The following ABR variants were observed in gnomAD, a reference collection of about 807,000 sequenced individuals.
ABR encodes active breakpoint cluster region-related protein.
In ABR, 35 loss-of-function variants were observed where a neutral mutation model predicts 107.2. The ratio of observed to expected loss-of-function variants is 0.33; its 90% confidence interval spans 0.25 to 0.43. The LOEUF is 0.43. Ranked by LOEUF, ABR falls within the 20% of genes least tolerant of loss-of-function variation. The pLI is 1.00. For synonymous variants in ABR, 498 were observed against 462.0 expected (o/e 1.08, Z -1.00); for missense variants, 815 against 1,115.2 (o/e 0.73, Z 3.83).
chr17:1,110,064 C>G (rs1218412276), intron 2 of ABR, among the ~76,000 whole-genome samples: 3 of 151,066 alleles, frequency 2.0e-5, no homozygotes, highest in East Asian at 3.9e-4. Flanking sequence ...AGCAGCCCCC[C>G]CAGCCACCCC....
In ABR at chr17:1,004,027, C is replaced by T. The variant is rs1421333313; in HGVS notation, c.*2053G>A. 6.6e-6 allele frequency: 1 copy of T among 152,270 alleles called. No homozygotes were observed. The highest frequency in any genetic ancestry group is 1.5e-5 in the Non-Finnish European group (1 of 68,064). 9.4% of individuals were successfully genotyped at this position (152,270 alleles called of 1,614,324 possible). On this transcript the variant is annotated 3_prime_UTR_variant, in exon 23 of 23. Transcript: ENST00000302538. Reference sequence around the variant, plus strand: ...GCAGCCTTCCCATAGCCTGTTCTCACGTTGCCTCAGCGAGCTTGGGGCTGT... The same window carrying T: ...GCAGCCTTCCCATAGCCTGTTCTCATGTTGCCTCAGCGAGCTTGGGGCTGT...
At chr17:1,066,529 C>T (rs952127695) in intron 10 of ABR, among the ~76,000 whole-genome samples, 3 of 151,844 alleles carry the variant, frequency 2.0e-5, no homozygotes, top group African/African-American at 7.3e-5. Context: ...CCTCTACCTC[C>T]ACTTTTTTTT....
intron 16 of ABR, among the ~76,000 whole-genome samples, chr17:1,048,868 C>T (rs1017599804): frequency 1.3e-5 from 2 of 152,182 alleles, no homozygotes; most frequent in South Asian, 2.1e-4. Flanking sequence ...GCACGCCCAA[C>T]GCCCGAGGCT....
At chr17:1,080,732 A>T (rs1476565462) in intron 5 of ABR, among the ~76,000 whole-genome samples, 2 of 100,242 alleles carry the variant, frequency 2.0e-5, no homozygotes, top group African/African-American at 7.8e-5. Flanking sequence ...ACTCCTGGAG[A>T]TGGAGCTTGG....
intron 16 of ABR, among the ~76,000 whole-genome samples, chr17:1,031,422 G>C (rs1345955378): frequency 6.6e-6 from 1 of 152,110 alleles, no homozygotes; most frequent in South Asian, 2.1e-4. Context: ...CGGCCCCAGC[G>C]TTCGCCATCA....
At chr17:1,145,630 C>A (rs549697173) in intron 1 of ABR, among the ~76,000 whole-genome samples, 140 of 152,314 alleles carry the variant, frequency 9.2e-4, no homozygotes, top group African/African-American at 3.2e-3. Context: ...AATTAAATGA[C>A]AATCTAGTGC....
intron 1 of ABR, among the ~76,000 whole-genome samples, chr17:1,127,837 G>T (rs2039665683): frequency 6.6e-6 from 1 of 152,206 alleles, no homozygotes; most frequent in South Asian, 2.1e-4. Flanking sequence ...CACATGCACA[G>T]TTCATCCTGA....
chr17:1,091,812 C>T lies in ABR; in HGVS notation c.384G>A (p.Gln128=). ...CGATCTGCTGGATGGTGAGCACGGGCTGGGAGGTGGTGGCGGTGGCCTTCA... is the reference window on the plus strand; with the variant it reads ...CGATCTGCTGGATGGTGAGCACGGGTTGGGAGGTGGTGGCGGTGGCCTTCA... ...KPLKATATTS[Q]PVLTIQQIET... The change falls in exon 4 of 23, where the codon CAG becomes CAA. Residue 128 remains glutamine (Q), a synonymous_variant. Transcript: ENST00000302538. 1 of 1,613,920 alleles carries T rather than the reference C, an allele frequency of 6.2e-7. No homozygotes were observed. Among genetic ancestry groups the T allele is most frequent in the Non-Finnish European group, 8.5e-7 (1 of 1,179,932 alleles).
At chr17:1,024,433 C>T (rs533309255) in intron 16 of ABR, among the ~76,000 whole-genome samples, 17 of 152,264 alleles carry the variant, frequency 1.1e-4, no homozygotes, top group African/African-American at 3.4e-4. Context: ...CGTCGCCCCT[C>T]GGCTAAGCCA....
intron 10 of ABR, among the ~76,000 whole-genome samples, chr17:1,060,961 C>T (rs2257854): frequency 0.19 from 28,930 of 151,982 alleles, 3,127 homozygotes; most frequent in South Asian, 0.25. Context: ...CACTGCACTC[C>T]AGCCTGGGCG....
At chr17:1,161,042 G>A (rs1489645561) in intron 1 of ABR, among the ~76,000 whole-genome samples, 1 of 152,060 alleles carries the variant, frequency 6.6e-6, no homozygotes, top group South Asian at 2.1e-4. Flanking sequence ...GTGGATTCCC[G>A]TTCCAAGGAC....
At position 1,179,621 on chromosome 17, in the gene ABR, GTCCCGA is replaced by G; in HGVS notation, c.61+40_61+45del. The stretch of plus-strand genomic sequence containing the variant: ...CTGGGGTCCCGATCTCCATCCTGGG[GTCCCGA>G]TCCCGATCCTGGGGTCCCGCCCCCG... On this transcript the variant is annotated intron_variant, in intron 1 of 22. Coordinates refer to ENST00000302538, the MANE Select transcript of ABR (RefSeq NM_021962.5). The surrounding 1 kb of genome is among the most constrained non-coding windows in gnomAD (Gnocchi z 4.9). 6.8e-7 allele frequency: 1 copy of G among 1,468,762 alleles called. No individual in the cohort carries two copies. The highest frequency in any genetic ancestry group is 9.0e-7 in the Non-Finnish European group (1 of 1,105,508). 91.0% of individuals were successfully genotyped at this position (1,468,762 alleles called of 1,614,324 possible). A position where few individuals can be genotyped will look rare whatever the true frequency, so the allele number is the denominator to read the frequency against.
intron 6 of ABR, among the ~76,000 whole-genome samples, chr17:1,074,932 G>C (rs2035577132): frequency 6.6e-6 from 1 of 152,118 alleles, no homozygotes; most frequent in East Asian, 1.9e-4. Flanking sequence ...GGTAACAAGA[G>C]CAAAACTCCA....
In ABR at chr17:1,031,951, C is replaced by G. The variant is rs576223710; in HGVS notation, c.1791+18099G>C. On this transcript the variant is annotated intron_variant, in intron 16 of 22. Transcript: ENST00000302538. ...CGCATCCCTCCTTCCCCGCCCTCCGCGAGGCTGCAGCCCAGGCTGAGCGCC... is the reference window on the plus strand; with the variant it reads ...CGCATCCCTCCTTCCCCGCCCTCCGGGAGGCTGCAGCCCAGGCTGAGCGCC... The G allele has an allele frequency of 6.6e-4, 570 of 868,506 alleles. 7 individuals are homozygous for G. The African/African-American group carries it at 9.0e-3, about 14-fold the overall frequency. 53.8% of individuals were successfully genotyped at this position (868,506 alleles called of 1,614,324 possible).
intron 16 of ABR, among the ~76,000 whole-genome samples, chr17:1,022,967 G>A (rs941618895): frequency 2.0e-5 from 3 of 152,192 alleles, no homozygotes; most frequent in Non-Finnish European, 2.9e-5. Flanking sequence ...CTTCCCCAGC[G>A]TCCATTCTAG....
At chr17:1,112,454 C>T (rs1567778384) in intron 2 of ABR, among the ~76,000 whole-genome samples, 1 of 152,198 alleles carries the variant, frequency 6.6e-6, no homozygotes, top group East Asian at 1.9e-4. Flanking sequence ...CTTCAGCAAC[C>T]CGGTTGCAGT....
intron 1 of ABR, among the ~76,000 whole-genome samples, chr17:1,162,107 A>C (rs1482590229): frequency 6.6e-6 from 1 of 152,134 alleles, no homozygotes; most frequent in African/African-American, 2.4e-5. Flanking sequence ...CATCCTCCAG[A>C]GGTTAGAGAC....
chr17:1,204,910 T>C (rs1019017451), intron 1 of ABR, among the ~76,000 whole-genome samples: 5 of 141,892 alleles, frequency 3.5e-5, no homozygotes, highest in East Asian at 2.0e-4. Flanking sequence ...TCTTTTTTTT[T>C]TTTTTTTTTT....
chr17:1,224,834 C>T (rs542560741), intron 1 of ABR, among the ~76,000 whole-genome samples: 29 of 152,282 alleles, frequency 1.9e-4, no homozygotes, highest in Non-Finnish European at 1.0e-4. Flanking sequence ...ACCACCACAA[C>T]TGACTGATTC....
Sources: gnomAD v4.1 joint callset for allele counts (sites outside exome capture counted in the v4.1 genomes callset) on GRCh38, gnomAD v4.1.1 for gene constraint, Gnocchi (gnomAD v3.1) non-coding constraint, MANE v1.5 for transcripts, NCBI Gene and HGNC (gene_info 2026-07-23, HGNC 2026-07-21) for gene names.